Variants in MYLK3 observed in about 807,000 individuals in gnomAD.
MYLK3 encodes the protein myosin light chain kinase 3.
In MYLK3, 55 loss-of-function variants were observed where a neutral mutation model predicts 76.3. The observed-to-expected ratio is 0.72, with a 90% CI of 0.58 to 0.90. MYLK3 has a LOEUF of 0.90. MYLK3 is among the 40% of genes least tolerant of loss of function. The pLI, the probability that MYLK3 is intolerant of heterozygous loss-of-function variation, is 0.00. For missense variants in MYLK3, 973 were observed against 1,053.6 expected (o/e 0.92, Z 1.06); for synonymous variants, 416 against 425.4 (o/e 0.98, Z 0.27).
intron 3 of MYLK3, among the ~76,000 whole-genome samples, chr16:46,736,445 G>C (rs1379303552): frequency 6.6e-6 from 1 of 152,214 alleles, no homozygotes; most frequent in East Asian, 1.9e-4. Context: ...GCCGCTGCAG[G>C]TCTGCTGGGC....
chr16:46,749,753 G>A (rs1237713246), upstream of MYLK3, among the ~76,000 whole-genome samples: 2 of 152,166 alleles, frequency 1.3e-5, no homozygotes, highest in Non-Finnish European at 2.9e-5. Context: ...ATAAATACAC[G>A]AAAGCACCAT....
At chr16:46,744,735 C>T (rs1018036757) in intron 1 of MYLK3, among the ~76,000 whole-genome samples, 5 of 152,042 alleles carry the variant, frequency 3.3e-5, no homozygotes, top group Admixed American at 1.3e-4. Flanking sequence ...TGCAGTGGCT[C>T]GTGCCTATAA....
Position 46,737,704 on chromosome 16 carries a change from C to G in MYLK3, c.1001+7G>C. 1 of 1,589,480 alleles carries G rather than the reference C, an allele frequency of 6.3e-7. No individual in the cohort carries two copies. Among genetic ancestry groups the G allele is most frequent in the Non-Finnish European group, 8.6e-7 (1 of 1,164,560 alleles). Reference sequence around the variant, plus strand: ...TCCCTCACCCAGCCTGGAAGAGCTCCCCTTACCTTGGAGGTGTTTCTCCAC... The same window carrying G: ...TCCCTCACCCAGCCTGGAAGAGCTCGCCTTACCTTGGAGGTGTTTCTCCAC... On this transcript the variant is annotated splice_region_variant and intron_variant, in intron 3 of 12. Coordinates refer to ENST00000394809, the MANE Select transcript of MYLK3 (RefSeq NM_182493.3).
chr16:46,758,304 ACTCT>A (rs3044832), intron 1 of MYLK3, among the ~76,000 whole-genome samples: 9,108 of 87,026 alleles, frequency 0.1, 471 homozygotes, highest in Non-Finnish European at 0.12. Context: ...ACACACACAC[ACTCT>A]CTCTCTCTCT....
chr16:46,741,915 C>T (rs1002666501), intron 1 of MYLK3, among the ~76,000 whole-genome samples: 4 of 152,066 alleles, frequency 2.6e-5, no homozygotes, highest in Non-Finnish European at 4.4e-5. Context: ...GGACTACAGG[C>T]ACGTGCCACC....
At chr16:46,720,812 T>C (rs1258075922) in intron 9 of MYLK3, among the ~76,000 whole-genome samples, 1 of 152,124 alleles carries the variant, frequency 6.6e-6, no homozygotes, top group African/African-American at 2.4e-5. Flanking sequence ...GGGGAACCCA[T>C]AGAACTAAGC....
At chr16:46,762,621 C>A (rs970784244) in intron 1 of MYLK3, among the ~76,000 whole-genome samples, 12 of 152,292 alleles carry the variant, frequency 7.9e-5, no homozygotes, top group East Asian at 7.7e-4. Context: ...GGGGAAGGAA[C>A]AATTATCCTC....
At chr16:46,716,495 A>ATGTGTG in intron 9 of MYLK3, among the ~76,000 whole-genome samples, 2 of 145,180 alleles carry the variant, frequency 1.4e-5, no homozygotes, top group South Asian at 2.2e-4. Context: ...ATGTGTATAT[A>ATGTGTG]TATGTGTGTG....
At chr16:46,752,803 C>T (rs1967143636), upstream of MYLK3, among the ~76,000 whole-genome samples, 1 of 152,148 alleles carries the variant, frequency 6.6e-6, no homozygotes, top group African/African-American at 2.4e-5. Flanking sequence ...TCTCTTGAGC[C>T]TGGGAGGTTG....
chr16:46,732,330 T>G lies in MYLK3; in HGVS notation c.1340A>C (p.Gln447Pro), dbSNP rs757321126. 6.2e-7 allele frequency: 1 copy of G among 1,612,792 alleles called. No homozygotes were observed. The highest frequency in any genetic ancestry group is 1.7e-5 in the Admixed American group (1 of 60,032). Reference protein sequence around the residue: ...DHEVGALGLQQGKSPGAGNPE... With the variant: ...DHEVGALGLQPGKSPGAGNPE... The stretch of plus-strand genomic sequence containing the variant: ...GTTTCCCGCCCCTGGGCTTTTGCCC[T>G]GCTGCAGGCCCAGGGCCCCAACCTC... The change falls in exon 4 of 13, where the codon CAG becomes CCG. Residue 447 changes from glutamine (Q) to proline (P), a missense_variant. This residue lies in a region of MYLK3 where 641 missense variants were observed against 637.0 expected (regional missense o/e 1.01). Coordinates refer to ENST00000394809, the MANE Select transcript of MYLK3 (RefSeq NM_182493.3).
Position 46,747,900 on chromosome 16 carries a change from C to T in MYLK3, c.294G>A (p.Arg98=). The change falls in exon 1 of 13, where the codon AGG becomes AGA. Residue 98 remains arginine (R), a synonymous_variant. Coordinates refer to ENST00000394809, the MANE Select transcript of MYLK3 (RefSeq NM_182493.3). ...GCTGGGCCGCATCCTGCTGCATGGC[C>T]CTCACCAGCTCCAGGACCTCGGGCC... The part of the protein sequence containing the change: ...AGWPEVLELV[R]AMQQDAAQHG... The T allele has an allele frequency of 6.2e-7, 1 of 1,613,912 alleles. No individual in the cohort carries two copies. The highest frequency in any genetic ancestry group is 8.5e-7 in the Non-Finnish European group (1 of 1,179,954).
intron 8 of MYLK3, among the ~76,000 whole-genome samples, chr16:46,723,726 C>T (rs942461987): frequency 5.3e-5 from 8 of 151,302 alleles, no homozygotes; most frequent in Non-Finnish European, 7.4e-5. Context: ...TTCCGCTCAC[C>T]GCAACCTCCA....
In MYLK3 at chr16:46,703,001, GA is replaced by G; in HGVS notation, c.*4702del. On this transcript the variant is annotated 3_prime_UTR_variant, in exon 13 of 13. Transcript: ENST00000394809. Reference sequence around the variant, plus strand: ...ATTCAAAAGGTTCAGAAAGATAAATGAAAAGTGGAATTCCCCCTCTCCCAAT... The same window carrying G: ...ATTCAAAAGGTTCAGAAAGATAAATGAAAGTGGAATTCCCCCTCTCCCAAT... Among the ~76,000 whole-genome samples the G allele has an allele frequency of 7.1e-6, 1 of 141,106 alleles. No homozygotes were observed. The allele number at this position is 141,106 out of a possible 152,430, so 92.6% of individuals were successfully genotyped here.
In MYLK3 at chr16:46,758,088, GCA is replaced by G. The variant is rs574696661; in HGVS notation, c.-114+4950_-114+4951del. ...AAACTACTCAGGAGGCAGCAAAGAG[GCA>G]CAGAGTCCCCAAAGCCTGGGGCTGC... On this transcript the variant is annotated intron_variant, in intron 1 of 11. Transcript: ENST00000536476. Among the ~76,000 whole-genome samples the G allele has an allele frequency of 4.5e-3, 679 of 152,132 alleles. 4 individuals carry two copies. The highest frequency in any genetic ancestry group is 6.2e-3 in the Non-Finnish European group (423 of 67,976).
At chr16:46,746,364 T>C (rs1967021992) in intron 1 of MYLK3, among the ~76,000 whole-genome samples, 1 of 152,164 alleles carries the variant, frequency 6.6e-6, no homozygotes, top group Non-Finnish European at 1.5e-5. Flanking sequence ...CGAGATTTGA[T>C]TGAATCTGCA....
In MYLK3 at chr16:46,712,895, C is replaced by T. The variant is rs1006903233; in HGVS notation, c.1986-119G>A. 7 of 972,986 alleles carry T rather than the reference C, an allele frequency of 7.2e-6. No homozygotes were observed. In the African/African-American group the frequency reaches 1.2e-4, roughly 16 times the overall value. The allele number at this position is 972,986 out of a possible 1,614,324, so 60.3% of individuals were successfully genotyped here. ...CTTCCCATCAGCCATATGGCCTGGA[C>T]TCCACACCCACATTACACCTGTGAA... is the stretch of plus-strand genomic sequence containing the variant. On this transcript the variant is annotated intron_variant, in intron 9 of 12. Coordinates refer to ENST00000394809, the MANE Select transcript of MYLK3 (RefSeq NM_182493.3).
chr16:46,710,412 T>C (rs1424569906), intron 11 of MYLK3, among the ~76,000 whole-genome samples: 1 of 152,248 alleles, frequency 6.6e-6, no homozygotes, highest in African/African-American at 2.4e-5. Flanking sequence ...CTACATATGC[T>C]TCTTTCTAAA....
In MYLK3 at chr16:46,705,723, G is replaced by T. The variant is rs1966617443; in HGVS notation, c.*1981C>A. The T allele has an allele frequency of 6.6e-6, 1 of 151,898 alleles. No homozygotes were observed. The highest frequency in any genetic ancestry group is 1.5e-5 in the Non-Finnish European group (1 of 67,962). 9.4% of individuals were successfully genotyped at this position (151,898 alleles called of 1,614,324 possible). On this transcript the variant is annotated 3_prime_UTR_variant, in exon 13 of 13. Coordinates refer to ENST00000394809, the MANE Select transcript of MYLK3 (RefSeq NM_182493.3). Reference sequence around the variant, plus strand: ...AAATGTGTTAGTTGAAGCTGGGTGTGGTGGCTCACACCTATAATCCCAGCA... The same window carrying T: ...AAATGTGTTAGTTGAAGCTGGGTGTTGTGGCTCACACCTATAATCCCAGCA...
intron 5 of MYLK3, among the ~76,000 whole-genome samples, chr16:46,730,119 A>T (rs1966849506): frequency 7.4e-6 from 1 of 135,638 alleles, no homozygotes; most frequent in Non-Finnish European, 1.5e-5. Context: ...CACTGAGGCC[A>T]TCCTGCACCT....
Sources: gnomAD v4.1 joint callset for allele counts (sites outside exome capture counted in the v4.1 genomes callset) on GRCh38, gnomAD v4.1.1 for gene constraint, gnomAD v4.1.1 regional missense constraint, MANE v1.5 for transcripts, NCBI Gene and HGNC (gene_info 2026-07-23, HGNC 2026-07-21) for gene names.